Variants in HNF4G observed in about 807,000 individuals in gnomAD.
HNF4G encodes the protein hepatocyte nuclear factor 4 gamma.
Under a neutral mutation model 50.9 loss-of-function variants are expected in HNF4G, and 21 were observed. That is an observed-to-expected ratio of 0.41 (90% CI 0.29 to 0.59). The LOEUF (loss-of-function observed/expected upper bound fraction) is 0.59, where lower values mean the gene tolerates loss of function less well. Ranked by LOEUF, HNF4G falls within the 20% of genes least tolerant of loss-of-function variation. The probability of loss-of-function intolerance (pLI) is 0.26; values close to 1 mark genes in which losing one functional copy is unlikely to be tolerated. For synonymous variants in HNF4G, 198 were observed against 185.6 expected (o/e 1.07, Z -0.54); for missense variants, 527 against 559.4 (o/e 0.94, Z 0.58).
intron 2 of HNF4G, among the ~76,000 whole-genome samples, chr8:75,528,894 T>C (rs907568361): frequency 2.6e-5 from 4 of 152,114 alleles, no homozygotes; most frequent in Non-Finnish European, 4.4e-5. Context: ...TCCGCGTGGC[T>C]GGGGAGGCCT....
chr8:75,445,102 A>G lies in HNF4G; in HGVS notation c.-144+36940A>G, dbSNP rs1296891232. On this transcript the variant is annotated intron_variant, in intron 1 of 10. Coordinates refer to the HNF4G transcript ENST00000354370. ...ATCTCTCAGACCACAGTGCAATCAA[A>G]CTAGAACTCAGGATTAAGAATCTCA... Among the ~76,000 whole-genome samples, 3 of 145,648 alleles carry G rather than the reference A, an allele frequency of 2.1e-5. No individual in the cohort carries two copies. In the Admixed American group the frequency reaches 2.1e-4, roughly 10 times the overall value.
chr8:75,474,600 T>C (rs2130641216), intron 1 of HNF4G, among the ~76,000 whole-genome samples: 1 of 152,306 alleles, frequency 6.6e-6, no homozygotes, highest in East Asian at 1.9e-4. Flanking sequence ...GAGCTTTTCC[T>C]TTTGGTTGGA....
intron 5 of HNF4G, among the ~76,000 whole-genome samples, chr8:75,554,166 G>C (rs1807049563): frequency 6.6e-6 from 1 of 152,010 alleles, no homozygotes; most frequent in Non-Finnish European, 1.5e-5. Flanking sequence ...CACGAATATT[G>C]ACATACCATA....
In HNF4G at chr8:75,558,844, G is replaced by A. The variant is rs781717488; in HGVS notation, c.930G>A (p.Arg310=). Residue 310 remains arginine, a synonymous_variant, in exon 8 of 10, where the codon AGG becomes AGA. Coordinates refer to ENST00000396423, the MANE Select transcript of HNF4G (RefSeq NM_004133.5). Reference sequence around the variant, plus strand: ...ATCCAGTAAAAATTAAGAACATGAGGTTCCAAGTGCAGATCGGTTTGGAGG... The same window carrying A: ...ATCCAGTAAAAATTAAGAACATGAGATTCCAAGTGCAGATCGGTTTGGAGG... The part of the protein sequence containing the change: ...LSDPVKIKNM[R]FQVQIGLEDY... 1.2e-6 allele frequency: 2 copies of A among 1,614,068 alleles called. No homozygotes were observed. Among genetic ancestry groups the A allele is most frequent in the South Asian group, 2.2e-5 (2 of 91,086 alleles).
At chr8:75,506,333 AT>A (rs1227594249) in intron 2 of HNF4G, among the ~76,000 whole-genome samples, 1 of 152,082 alleles carries the variant, frequency 6.6e-6, no homozygotes, top group Non-Finnish European at 1.5e-5. Flanking sequence ...TTACAAGCAG[AT>A]TTAGTAATTA....
At chr8:75,479,647 T>G (rs1812326266) in intron 1 of HNF4G, among the ~76,000 whole-genome samples, 1 of 152,072 alleles carries the variant, frequency 6.6e-6, no homozygotes, top group Admixed American at 6.6e-5. Flanking sequence ...CCTACATATT[T>G]GTTGAACAAA....
At chr8:75,532,912 A>G (rs911965313) in intron 2 of HNF4G, among the ~76,000 whole-genome samples, 3 of 152,050 alleles carry the variant, frequency 2.0e-5, no homozygotes, top group Non-Finnish European at 4.4e-5. Context: ...TGGATCCTGT[A>G]GAAAAACAAT....
chr8:75,473,198 A>G (rs1205044684), intron 1 of HNF4G, among the ~76,000 whole-genome samples: 1 of 151,608 alleles, frequency 6.6e-6, no homozygotes, highest in Admixed American at 6.6e-5. Context: ...AGTCCCAGCT[A>G]CTCGGGAGGC....
At chr8:75,550,552 C>T (rs1454727801) in intron 3 of HNF4G, among the ~76,000 whole-genome samples, 1 of 151,944 alleles carries the variant, frequency 6.6e-6, no homozygotes, top group Non-Finnish European at 1.5e-5. Flanking sequence ...ACCTCAGCCT[C>T]GCAAAGTGCT....
intron 2 of HNF4G, among the ~76,000 whole-genome samples, chr8:75,527,452 C>T (rs1261663525): frequency 1.3e-5 from 2 of 152,064 alleles, no homozygotes; most frequent in Non-Finnish European, 2.9e-5. Context: ...GTTCAGTATT[C>T]GCTAATTCAA....
intron 1 of HNF4G, among the ~76,000 whole-genome samples, chr8:75,482,470 G>T (rs149111135): frequency 0.012 from 1,829 of 152,028 alleles, 40 homozygotes; most frequent in African/African-American, 0.041. Context: ...AGGTTCAAGC[G>T]ACTCTCCTGC....
chr8:75,492,837 C>T (rs1812666315), intron 2 of HNF4G, among the ~76,000 whole-genome samples: 1 of 152,058 alleles, frequency 6.6e-6, no homozygotes, highest in Non-Finnish European at 1.5e-5. Flanking sequence ...GCTGATTTCT[C>T]CTGAGAAAAA....
At chr8:75,521,263 C>T (rs559934890) in intron 2 of HNF4G, among the ~76,000 whole-genome samples, 22 of 152,238 alleles carry the variant, frequency 1.4e-4, no homozygotes, top group Middle Eastern at 3.4e-3. Flanking sequence ...TTCAAGTCAT[C>T]GAGCCCAAGC....
intron 1 of HNF4G, among the ~76,000 whole-genome samples, chr8:75,465,877 C>T (rs947085245): frequency 1.3e-5 from 2 of 152,098 alleles, no homozygotes; most frequent in African/African-American, 2.4e-5. Context: ...TCCTAGAATC[C>T]TCCTTCTATT....
intron 1 of HNF4G, among the ~76,000 whole-genome samples, chr8:75,422,051 G>T (rs1810788170): frequency 6.6e-6 from 1 of 152,046 alleles, no homozygotes; most frequent in Non-Finnish European, 1.5e-5. Flanking sequence ...TTAGGGGAAA[G>T]ATAACAACAA....
intron 2 of HNF4G, among the ~76,000 whole-genome samples, chr8:75,516,175 A>G (rs980563299): frequency 5.9e-5 from 9 of 152,258 alleles, no homozygotes; most frequent in Non-Finnish European, 1.3e-4. Flanking sequence ...CACTTAGCCC[A>G]GTCAAGTTGA....
chr8:75,486,737 C>T (rs1812505576), intron 1 of HNF4G, among the ~76,000 whole-genome samples: 1 of 152,158 alleles, frequency 6.6e-6, no homozygotes, highest in Admixed American at 6.5e-5. Context: ...GGCATGGTGG[C>T]TCATGCCTGT....
At chr8:75,550,783 T>G (rs1013575740) in intron 3 of HNF4G, among the ~76,000 whole-genome samples, 4 of 152,132 alleles carry the variant, frequency 2.6e-5, no homozygotes, top group African/African-American at 9.7e-5. Flanking sequence ...TTTCTTCATC[T>G]TTCCAAAATG....
chr8:75,463,251 T>C (rs763597154), intron 1 of HNF4G, among the ~76,000 whole-genome samples: 3 of 152,142 alleles, frequency 2.0e-5, no homozygotes, highest in Non-Finnish European at 2.9e-5. Context: ...CATTAGCCTT[T>C]TAAAAATCAT....
Sources: allele counts gnomAD v4.1 joint callset (sites outside exome capture counted in the v4.1 genomes callset), GRCh38; gene constraint gnomAD v4.1.1; transcripts MANE v1.5; gene names NCBI Gene and HGNC (gene_info 2026-07-23, HGNC 2026-07-21).